PDPK1: variants seen among roughly 807,000 people sequenced by gnomAD.
PDPK1 encodes the protein 3-phosphoinositide dependent protein kinase 1, also known as 3-phosphoinositide-dependent protein kinase 1.
PDPK1 carries 7 observed loss-of-function variants against 39.8 expected under a neutral mutation model. The ratio of observed to expected loss-of-function variants is 0.18; its 90% CI spans 0.10 to 0.33. The LOEUF (loss-of-function observed/expected upper bound fraction) is 0.33, where lower values mean the gene tolerates loss of function less well. Among genes scored for constraint, PDPK1 ranks in the 10% least tolerant of loss-of-function variants. The pLI, the probability that PDPK1 is intolerant of heterozygous loss-of-function variation, is 1.00. For missense variants in PDPK1, 182 were observed against 384.7 expected (o/e 0.47, Z 4.41); for synonymous variants, 118 against 159.1 (o/e 0.74, Z 1.95).
Position 2,599,403 on chromosome 16 carries a change from A to G in PDPK1, c.*1636A>G. 1 of 233,218 alleles carries G rather than the reference A, an allele frequency of 4.3e-6. No homozygotes were observed. The highest frequency in any genetic ancestry group is 8.5e-6 in the Non-Finnish European group (1 of 117,994). 14.4% of individuals were successfully genotyped at this position (233,218 alleles called of 1,614,324 possible). On this transcript the variant is annotated 3_prime_UTR_variant, in exon 14 of 14. Transcript: ENST00000342085. The stretch of plus-strand genomic sequence containing the variant: ...GCTAATGACGAGAGTGGCTCTTTTT[A>G]GCTAGGCGAGTACAGACGGGGCCTG...
Position 2,597,745 on chromosome 16 carries a change from A to G in PDPK1, c.1649A>G (p.His550Arg). The G allele has an allele frequency of 1.9e-6, 3 of 1,612,532 alleles. No individual in the cohort carries two copies. Among genetic ancestry groups the G allele is most frequent in the Non-Finnish European group, 2.5e-6 (3 of 1,179,542 alleles). ...QEVWRQRYQSHPDAAVQ is the reference protein window; with the variant it reads ...QEVWRQRYQSRPDAAVQ ...GTTTGGAGGCAGCGATACCAGAGCC[A>G]CCCGGACGCCGCTGTGCAGTGACGT... The change falls in exon 14 of 14, where the codon CAC becomes CGC. Residue 550 changes from histidine (H) to arginine (R), a missense_variant. By Grantham distance (29) the His-to-Arg change is conservative (BLOSUM62 0). Around this residue, in one of 5 missense-constraint regions of PDPK1, gnomAD observed 67 missense variants for 87.8 expected, o/e 0.76. Coordinates refer to ENST00000342085, the MANE Select transcript of PDPK1 (RefSeq NM_002613.5). The surrounding 1 kb of genome is among the most constrained non-coding windows in gnomAD (Gnocchi z 6.3).
chr16:2,585,494 G>C (rs2066849933), intron 10 of PDPK1, among the ~76,000 whole-genome samples: 1 of 152,238 alleles, frequency 6.6e-6, no homozygotes, highest in African/African-American at 2.4e-5. Flanking sequence ...CTTCAGCCAG[G>C]GAGGTTGGCC....
intron 10 of PDPK1, among the ~76,000 whole-genome samples, chr16:2,585,134 G>C (rs1393588579): frequency 6.6e-6 from 1 of 152,234 alleles, no homozygotes; most frequent in Non-Finnish European, 1.5e-5. Flanking sequence ...TTCTCTGAGT[G>C]TGGGGGTGTG....
intron 2 of PDPK1, among the ~76,000 whole-genome samples, chr16:2,558,756 C>T (rs1392258390): frequency 6.8e-6 from 1 of 146,256 alleles, no homozygotes; most frequent in Non-Finnish European, 1.5e-5. Flanking sequence ...CCAAGGTGGC[C>T]GCCGTGTGCG....
intron 10 of PDPK1, among the ~76,000 whole-genome samples, chr16:2,585,400 T>C (rs778059641): frequency 4.4e-4 from 67 of 152,288 alleles, no homozygotes; most frequent in Non-Finnish European, 2.5e-4. Context: ...GTGTCAAGCA[T>C]GGAAGGAGAC....
intron 11 of PDPK1, among the ~76,000 whole-genome samples, chr16:2,587,279 C>T (rs776495700): frequency 3.9e-5 from 6 of 152,100 alleles, no homozygotes; most frequent in Admixed American, 2.0e-4. Context: ...GTGCCAGGGG[C>T]AGTGTGTGAT....
intron 11 of PDPK1, among the ~76,000 whole-genome samples, chr16:2,595,516 CT>C (rs1479180178): frequency 6.6e-6 from 1 of 152,242 alleles, no homozygotes; most frequent in African/African-American, 2.4e-5. Context: ...CCTCCCCCAC[CT>C]TTTCCCCGCT....
intron 10 of PDPK1, among the ~76,000 whole-genome samples, chr16:2,585,281 C>G (rs2141989955): frequency 6.6e-6 from 1 of 152,340 alleles, no homozygotes. Context: ...TTAGATGGCC[C>G]ATCCTTAGCT....
At chr16:2,545,500 A>AT (rs1305942750) in intron 1 of PDPK1, among the ~76,000 whole-genome samples, 2 of 149,520 alleles carry the variant, frequency 1.3e-5, no homozygotes, top group African/African-American at 4.9e-5. Flanking sequence ...CACCTGGCTA[A>AT]TTTTTTTTGT....
Position 2,597,942 on chromosome 16 carries a change from A to C in PDPK1, c.*175A>C. On this transcript the variant is annotated 3_prime_UTR_variant, in exon 14 of 14. Coordinates refer to ENST00000342085, the MANE Select transcript of PDPK1 (RefSeq NM_002613.5). This position sits in a 1 kb window ranked among gnomAD's most constrained non-coding sequence, Gnocchi z 6.3. ...GAAGAAAAAAAACACCCAACCACAC[A>C]AAGAACAAAACCAGTAACAAACACA... The C allele has an allele frequency of 1.7e-6, 1 of 590,560 alleles. No homozygotes were observed. The highest frequency in any genetic ancestry group is 3.0e-6 in the Non-Finnish European group (1 of 332,382). The allele number at this position is 590,560 out of a possible 1,614,324, so 36.6% of individuals were successfully genotyped here.
At chr16:2,545,902 G>A (rs1160570586) in intron 1 of PDPK1, among the ~76,000 whole-genome samples, 1 of 152,124 alleles carries the variant, frequency 6.6e-6, no homozygotes, top group Non-Finnish European at 1.5e-5. Flanking sequence ...CTCCCAAAAT[G>A]CTGGGAATAC....
At chr16:2,587,050 C>G (rs2066891866) in intron 11 of PDPK1, among the ~76,000 whole-genome samples, 157 bp downstream of exon 11, 1 of 152,244 alleles carries the variant, frequency 6.6e-6, no homozygotes, top group African/African-American at 2.4e-5. Flanking sequence ...GAAACAGGTG[C>G]TTAGGAGGCA....
intron 6 of PDPK1, chr16:2,577,109 C>A (rs1326624542): frequency 2.0e-6 from 1 of 507,888 alleles, no homozygotes; most frequent in Non-Finnish European, 3.5e-6. Flanking sequence ...TTTGGATACC[C>A]CAGGTCCTGC....
At chr16:2,592,359 C>T (rs985690789) in intron 11 of PDPK1, among the ~76,000 whole-genome samples, 1 of 152,148 alleles carries the variant, frequency 6.6e-6, no homozygotes, top group African/African-American at 2.4e-5. Context: ...GTCCCGTGTG[C>T]ATGGCGAGTA....
At chr16:2,552,972 C>T (rs890168789) in intron 1 of PDPK1, among the ~76,000 whole-genome samples, 1 of 142,406 alleles carries the variant, frequency 7.0e-6, no homozygotes, top group Non-Finnish European at 1.5e-5. Flanking sequence ...CCCCAGGGAG[C>T]CAGCGTGCGA....
Position 2,543,717 on chromosome 16 carries a change from TTTG to T in PDPK1, c.24+5584_24+5586del, listed in dbSNP as rs1206084977. ...CTTTTCTGACCAGTCTGCTGGGTTTTTTGTTATTTGTTTTTTGTTTTTGAGACA... is the reference window on the plus strand; with the variant it reads ...CTTTTCTGACCAGTCTGCTGGGTTTTTTATTTGTTTTTTGTTTTTGAGACA... On this transcript the variant is annotated intron_variant, in intron 1 of 13. Coordinates refer to ENST00000342085, the MANE Select transcript of PDPK1 (RefSeq NM_002613.5). 5.9e-5 allele frequency among the ~76,000 whole-genome samples: 9 copies of T among 152,268 alleles called. No homozygotes were observed. The South Asian group carries it at 1.9e-3, about 32-fold the overall frequency.
chr16:2,541,387 G>C (rs1349525557), intron 1 of PDPK1, among the ~76,000 whole-genome samples: 2 of 152,200 alleles, frequency 1.3e-5, no homozygotes, highest in African/African-American at 4.8e-5. Context: ...TGATGAACTG[G>C]GAAGCGCTGC....
In PDPK1 at chr16:2,602,542, C is replaced by T. The variant is rs2067238691; in HGVS notation, c.*4775C>T. On this transcript the variant is annotated 3_prime_UTR_variant, in exon 14 of 14. Transcript: ENST00000342085. ...TGTGTAACCCACATAGCCTAACCAC[C>T]TGGCAGAATGACTACGAATAGGGGT... is the stretch of plus-strand genomic sequence containing the variant. The T allele has an allele frequency of 4.3e-6, 1 of 234,828 alleles. No individual in the cohort carries two copies. Among genetic ancestry groups the T allele is most frequent in the African/African-American group, 2.2e-5 (1 of 45,356 alleles). The allele number at this position is 234,828 out of a possible 1,614,324, so 14.5% of individuals were successfully genotyped here.
intron 11 of PDPK1, among the ~76,000 whole-genome samples, chr16:2,590,616 A>C (rs1380435040): frequency 6.6e-6 from 1 of 152,176 alleles, no homozygotes; most frequent in African/African-American, 2.4e-5. Context: ...AGACTTAGCT[A>C]TTTGGCCAGT....
Sources: allele counts gnomAD v4.1 joint callset (sites outside exome capture counted in the v4.1 genomes callset), GRCh38; gene constraint gnomAD v4.1.1; regional missense constraint gnomAD v4.1.1; non-coding constraint Gnocchi (gnomAD v3.1); transcripts MANE v1.5; gene names NCBI Gene and HGNC (gene_info 2026-07-23, HGNC 2026-07-21).